Variants in KLHL32 observed in about 807,000 individuals in gnomAD.
KLHL32 encodes the protein kelch like family member 32, also known as kelch-like protein 32.
A neutral mutation model predicts 64.8 loss-of-function variants in KLHL32; 35 were observed. The observed-to-expected ratio is 0.54, with a 90% CI of 0.41 to 0.72. The LOEUF (loss-of-function observed/expected upper bound fraction) is 0.72. KLHL32 is among the 30% of genes least tolerant of loss of function. The pLI is 0.00. For missense variants in KLHL32, 589 were observed against 768.5 expected, an observed-to-expected ratio of 0.77 and a Z score of 2.76; for synonymous variants, 259 against 281.0, an observed-to-expected ratio of 0.92 and a Z score of 0.78.
At chr6:96,959,775 T>C (rs1289697795) in intron 1 of KLHL32, among the ~76,000 whole-genome samples, 1 of 152,190 alleles carries the variant, frequency 6.6e-6, no homozygotes, top group African/African-American at 2.4e-5. Flanking sequence ...CAGGAAGGCC[T>C]AGGAGCATTT....
At chr6:97,100,765 AG>A (rs1457298094) in intron 6 of KLHL32, among the ~76,000 whole-genome samples, 1 of 150,008 alleles carries the variant, frequency 6.7e-6, no homozygotes, top group Non-Finnish European at 1.5e-5. Context: ...CACATTTGCC[AG>A]TGAACGTGCT....
intron 7 of KLHL32, among the ~76,000 whole-genome samples, chr6:97,122,368 TC>T (rs1361041829): frequency 6.6e-6 from 1 of 152,222 alleles, no homozygotes; most frequent in Non-Finnish European, 1.5e-5. Context: ...TATGTATGCT[TC>T]TATTCAAGAT....
In KLHL32 at chr6:96,985,971, C is replaced by T. The variant is rs1043076542; in HGVS notation, c.204+9794C>T. ...CTCTGATTTTTAGAGTTTCCAGCTT[C>T]TCTGCTCTGTTTTTTCCCTATCTTT... is the stretch of plus-strand genomic sequence containing the variant. On this transcript the variant is annotated intron_variant, in intron 3 of 10. Coordinates refer to ENST00000369261, the MANE Select transcript of KLHL32 (RefSeq NM_052904.4). 2.6e-5 allele frequency among the ~76,000 whole-genome samples: 4 copies of T among 152,250 alleles called. No homozygotes were observed. The Middle Eastern group carries it at 0.01, about 388-fold the overall frequency.
intron 3 of KLHL32, among the ~76,000 whole-genome samples, chr6:96,995,270 A>G (rs6903354): frequency 0.25 from 37,284 of 152,106 alleles, 5,903 homozygotes; most frequent in East Asian, 0.53. Flanking sequence ...AGTTCAGTTA[A>G]TTGTTAGGCT....
At chr6:97,068,009 GACACACAC>G (rs60482205) in intron 5 of KLHL32, among the ~76,000 whole-genome samples, 2 of 149,930 alleles carry the variant, frequency 1.3e-5, no homozygotes, top group African/African-American at 4.9e-5. Flanking sequence ...ACTTCATACA[GACACACAC>G]ACACACACAC....
At chr6:96,940,885 A>C (rs540383358) in intron 1 of KLHL32, among the ~76,000 whole-genome samples, 6 of 152,340 alleles carry the variant, frequency 3.9e-5, no homozygotes, top group African/African-American at 1.4e-4. Flanking sequence ...ATACACCCAT[A>C]ATTGTGATGT....
At chr6:96,927,178 T>C (rs1286740568) in intron 1 of KLHL32, among the ~76,000 whole-genome samples, 1 of 152,210 alleles carries the variant, frequency 6.6e-6, no homozygotes, top group Non-Finnish European at 1.5e-5. Flanking sequence ...AAAGCATATA[T>C]AGTTTAGAAC....
intron 3 of KLHL32, chr6:96,994,514 T>C (rs1778217322): frequency 2.0e-6 from 2 of 985,404 alleles, no homozygotes; most frequent in Non-Finnish European, 2.4e-6. Flanking sequence ...GCAGTTTATT[T>C]TGAAGCTCAA....
At position 97,004,620 on chromosome 6, in the gene KLHL32, T is replaced by C. The variant is rs993605312; in HGVS notation, c.204+28443T>C. 2.0e-5 allele frequency among the ~76,000 whole-genome samples: 3 copies of C among 152,272 alleles called. No homozygotes were observed. In the East Asian group the frequency reaches 5.8e-4, roughly 29 times the overall value. On this transcript the variant is annotated intron_variant, in intron 3 of 10. Coordinates refer to ENST00000369261, the MANE Select transcript of KLHL32 (RefSeq NM_052904.4). ...ATGTTTGCTGAGGGTTTGTTGTAGA[T>C]GGCTGTTATTATTTTGGGATATGTT...
rs547854771 is a variant in KLHL32, at chr6:97,047,048, T to C, written c.312+5449T>C. On this transcript the variant is annotated intron_variant, in intron 4 of 10. Transcript: ENST00000369261. The stretch of plus-strand genomic sequence containing the variant: ...AATTGGAAGTATAGAGTGGGAGTGA[T>C]GAATGAATGCCTCTAAGTGTAACAA... Among the ~76,000 whole-genome samples, 241 of 152,214 alleles carry C rather than the reference T, an allele frequency of 1.6e-3. 2 individuals are homozygous for C. Among genetic ancestry groups the C allele is most frequent in the Non-Finnish European group, 1.5e-3 (103 of 68,034 alleles).
chr6:97,022,781 A>C lies in KLHL32; in HGVS notation c.205-18711A>C, dbSNP rs147787784. On this transcript the variant is annotated intron_variant, in intron 3 of 10. Coordinates refer to ENST00000369261, the MANE Select transcript of KLHL32 (RefSeq NM_052904.4). ...CATGGCGCCCAGCCCTGATCACCTAATTTTTAAAGAAGACTTGTATTAGTT... is the reference window on the plus strand; with the variant it reads ...CATGGCGCCCAGCCCTGATCACCTACTTTTTAAAGAAGACTTGTATTAGTT... 2.7e-3 allele frequency among the ~76,000 whole-genome samples: 416 copies of C among 152,244 alleles called. 1 individual carries two copies. The highest frequency in any genetic ancestry group is 6.9e-3 in the Admixed American group (106 of 15,290).
intron 3 of KLHL32, among the ~76,000 whole-genome samples, chr6:97,039,712 C>G (rs1232036113): frequency 9.4e-6 from 1 of 106,246 alleles, no homozygotes; most frequent in African/African-American, 4.7e-5. Context: ...CCCAGCTACT[C>G]GGGAAGCTGA....
intron 4 of KLHL32, among the ~76,000 whole-genome samples, chr6:97,050,081 AAG>A (rs1786622663): frequency 6.6e-6 from 1 of 152,218 alleles, no homozygotes; most frequent in African/African-American, 2.4e-5. Flanking sequence ...AAGAATCATA[AAG>A]CCATTCGTTC....
At chr6:97,082,482 G>T (rs1312844107) in intron 5 of KLHL32, among the ~76,000 whole-genome samples, 1 of 151,988 alleles carries the variant, frequency 6.6e-6, no homozygotes. Flanking sequence ...GCATGGTGGC[G>T]GGCGCCTGTA....
chr6:97,111,318 T>A (rs1417111690), intron 6 of KLHL32, among the ~76,000 whole-genome samples: 2 of 152,376 alleles, frequency 1.3e-5, no homozygotes, highest in East Asian at 3.9e-4. Context: ...TTACTCACCC[T>A]TCTGATGTAT....
intron 5 of KLHL32, among the ~76,000 whole-genome samples, chr6:97,070,980 C>G (rs1330923084): frequency 6.6e-6 from 1 of 152,142 alleles, no homozygotes; most frequent in Non-Finnish European, 1.5e-5. Flanking sequence ...TGAAGCTAAA[C>G]CACCTTTCTG....
Position 97,139,129 on chromosome 6 carries a change from T to C in KLHL32, c.1710T>C (p.Asp570=). 6.2e-7 allele frequency: 1 copy of C among 1,613,642 alleles called. No individual in the cohort carries two copies. The highest frequency in any genetic ancestry group is 8.5e-7 in the Non-Finnish European group (1 of 1,179,802). The change falls in exon 11 of 11, where the codon GAT becomes GAC. Residue 570 remains aspartate (D), a synonymous_variant. Coordinates refer to ENST00000369261, the MANE Select transcript of KLHL32 (RefSeq NM_052904.4). ...NEPLACIQVL[D]VSREGKEEVF... is the part of the protein sequence containing the mutation. ...CTCTTCCTCTTTTGTAGGTACTGGA[T>C]GTAAGCAGAGAAGGCAAAGAAGAAG...
intron 6 of KLHL32, among the ~76,000 whole-genome samples, chr6:97,091,465 G>A (rs1426782351): frequency 1.3e-5 from 2 of 152,184 alleles, no homozygotes; most frequent in Non-Finnish European, 2.9e-5. Flanking sequence ...ATGGGTGCTG[G>A]GTAGTCAGTA....
At chr6:96,994,960 A>G (rs1778259081) in intron 3 of KLHL32, among the ~76,000 whole-genome samples, 1 of 152,206 alleles carries the variant, frequency 6.6e-6, no homozygotes, top group African/African-American at 2.4e-5. Flanking sequence ...TGTTTCCCAC[A>G]CTACCTGGCA....
Sources: allele counts gnomAD v4.1 joint callset (sites outside exome capture counted in the v4.1 genomes callset), GRCh38; gene constraint gnomAD v4.1.1; transcripts MANE v1.5; gene names NCBI Gene and HGNC (gene_info 2026-07-23, HGNC 2026-07-21).